Variants in SLC8A1 observed in about 807,000 individuals in gnomAD.
SLC8A1 encodes sodium/calcium exchanger 1.
SLC8A1 carries 18 observed loss-of-function variants against 68.3 expected under a neutral mutation model. That is an observed-to-expected ratio of 0.26 (90% confidence interval 0.18 to 0.39). SLC8A1 has a LOEUF of 0.39. SLC8A1 is among the 10% of genes least tolerant of loss of function. SLC8A1 has a pLI of 1.00. For synonymous variants in SLC8A1, 475 were observed against 415.5 expected, an observed-to-expected ratio of 1.14 and a Z score of -1.74; for missense variants, 985 against 1,156.7, an observed-to-expected ratio of 0.85 and a Z score of 2.15.
rs769443612 is a variant in SLC8A1 at position 40,170,265 on chromosome 2, A to G, written c.1930+4560T>C. ...TGGGAGGCTGTGGTTTTCAAGGATC[A>G]TGATGAAATGAGTACCTGCAATGGT... On this transcript the variant is annotated intron_variant, in intron 4 of 7. Coordinates refer to ENST00000406785, the Ensembl canonical transcript of SLC8A1. The G allele has an allele frequency of 1.3e-5, 21 of 1,611,362 alleles. No homozygotes were observed. Among genetic ancestry groups the G allele is most frequent in the Non-Finnish European group, 1.5e-5 (18 of 1,177,600 alleles).
chr2:40,171,341 G>T (rs1308189405), intron 4 of SLC8A1, among the ~76,000 whole-genome samples: 1 of 152,150 alleles, frequency 6.6e-6, no homozygotes, highest in Non-Finnish European at 1.5e-5. Context: ...TAGGATTAGA[G>T]GAGTAATATT....
chr2:40,143,766 T>G (rs1254705445), intron 6 of SLC8A1, among the ~76,000 whole-genome samples: 1 of 152,172 alleles, frequency 6.6e-6, no homozygotes, highest in African/African-American at 2.4e-5. Context: ...GGGCTTTGCA[T>G]ATATCTTTCT....
chr2:40,212,281 A>ACGTT (rs2056727012), intron 2 of SLC8A1, among the ~76,000 whole-genome samples: 1 of 118,212 alleles, frequency 8.5e-6, no homozygotes, highest in African/African-American at 3.1e-5. Context: ...GAGATGCAAT[A>ACGTT]TCTTTTTTTT....
rs572755792 is a variant in SLC8A1, at chr2:40,402,513, T to G, written c.1808+25960A>C. Among the ~76,000 whole-genome samples the G allele has an allele frequency of 1.1e-4, 16 of 152,346 alleles. 1 individual carries two copies. In the East Asian group the frequency reaches 1.7e-3, roughly 17 times the overall value. ...TTATGTATTTGCCCCGAATTCTTTC[T>G]TGCACAAGGTCCAAGAACCCTCTCT... On this transcript the variant is annotated intron_variant, in intron 2 of 7. Transcript: ENST00000406785.
At chr2:40,437,343 A>G (rs1315348437) in intron 1 of SLC8A1, among the ~76,000 whole-genome samples, 1 of 152,102 alleles carries the variant, frequency 6.6e-6, no homozygotes, top group Non-Finnish European at 1.5e-5. Flanking sequence ...GGAGCCTCAC[A>G]TGTTTCCACT....
chr2:40,439,687 T>C (rs905991387), intron 1 of SLC8A1, among the ~76,000 whole-genome samples: 2 of 152,200 alleles, frequency 1.3e-5, no homozygotes, highest in Admixed American at 1.3e-4. Flanking sequence ...CATCTTCAAG[T>C]AGATAGCATT....
At chr2:40,281,906 G>A (rs1402181628) in intron 2 of SLC8A1, among the ~76,000 whole-genome samples, 1 of 152,134 alleles carries the variant, frequency 6.6e-6, no homozygotes, top group Non-Finnish European at 1.5e-5. Context: ...TGAATTTTGG[G>A]TGGAATAAAG....
intron 2 of SLC8A1, among the ~76,000 whole-genome samples, chr2:40,331,568 T>G (rs1249341149): frequency 6.6e-6 from 1 of 151,972 alleles, no homozygotes; most frequent in African/African-American, 2.4e-5. Flanking sequence ...TTCATTAGGG[T>G]GGCTTTTTAT....
intron 3 of SLC8A1, among the ~76,000 whole-genome samples, chr2:40,175,492 G>T (rs13010488): frequency 0.011 from 1,616 of 141,658 alleles, 7 homozygotes; most frequent in African/African-American, 0.017. Flanking sequence ...GTGTGTGATT[G>T]AATACATACG....
At chr2:40,241,772 C>T (rs2061255096) in intron 2 of SLC8A1, among the ~76,000 whole-genome samples, 1 of 152,192 alleles carries the variant, frequency 6.6e-6, no homozygotes, top group Admixed American at 6.5e-5. Context: ...AGTGACCTGT[C>T]ACTTGTCATA....
chr2:40,323,418 A>G (rs2075443969), intron 2 of SLC8A1, among the ~76,000 whole-genome samples: 1 of 152,210 alleles, frequency 6.6e-6, no homozygotes, highest in Admixed American at 6.5e-5. Context: ...TGGTTTTTAA[A>G]AAAGGTCAAT....
At chr2:40,509,266 A>T (rs1217216282) in intron 1 of SLC8A1, among the ~76,000 whole-genome samples, 1 of 152,014 alleles carries the variant, frequency 6.6e-6, no homozygotes. Flanking sequence ...CCTTCCAATG[A>T]TTGAAGGTGG....
chr2:40,157,577 T>C (rs1009715179), intron 6 of SLC8A1, among the ~76,000 whole-genome samples: 9 of 152,192 alleles, frequency 5.9e-5, no homozygotes, highest in Non-Finnish European at 2.9e-5. Flanking sequence ...TTTCCCTTGA[T>C]ACCTCAGCTG....
Position 40,149,338 on chromosome 2 carries a change from CA to C in SLC8A1, c.2162-9663del, listed in dbSNP as rs1458622579. Among the ~76,000 whole-genome samples, 3 of 152,096 alleles carry C rather than the reference CA, an allele frequency of 2.0e-5. No homozygotes were observed. In the East Asian group the frequency reaches 5.8e-4, roughly 29 times the overall value. The stretch of plus-strand genomic sequence containing the variant: ...TGATCTCATAGAATTTCCATTCTGG[CA>C]AGGGGAGATAGTAATCAAAGTAAAC... On this transcript the variant is annotated intron_variant, in intron 6 of 7. Coordinates refer to ENST00000406785, the Ensembl canonical transcript of SLC8A1.
At chr2:40,170,652 T>C (rs1303529549) in intron 4 of SLC8A1, among the ~76,000 whole-genome samples, 2 of 152,172 alleles carry the variant, frequency 1.3e-5, no homozygotes, top group African/African-American at 4.8e-5. Context: ...GTATCTTAAA[T>C]GATGTGTCAA....
intron 2 of SLC8A1, among the ~76,000 whole-genome samples, chr2:40,317,123 T>C (rs1244850896): frequency 6.6e-6 from 1 of 152,028 alleles, no homozygotes; most frequent in Non-Finnish European, 1.5e-5. Context: ...CATAATATGT[T>C]ACTGAATAGT....
At chr2:40,275,338 A>G (rs984536708) in intron 2 of SLC8A1, among the ~76,000 whole-genome samples, 1 of 152,258 alleles carries the variant, frequency 6.6e-6, no homozygotes, top group Admixed American at 6.5e-5. Context: ...TTCTTAACTT[A>G]TCCTTAACTT....
intron 2 of SLC8A1, among the ~76,000 whole-genome samples, chr2:40,415,863 C>T (rs1217586876): frequency 8.8e-5 from 3 of 34,130 alleles, no homozygotes; most frequent in South Asian, 3.7e-3. Context: ...AAAGTATACA[C>T]ACACACACAC....
At chr2:40,236,827 C>G (rs955861705) in intron 2 of SLC8A1, among the ~76,000 whole-genome samples, 1 of 150,406 alleles carries the variant, frequency 6.6e-6, no homozygotes, top group Non-Finnish European at 1.5e-5. Flanking sequence ...ATTTGCTTGT[C>G]TGTAAAGTAT....
Sources: allele counts gnomAD v4.1 joint callset (sites outside exome capture counted in the v4.1 genomes callset), GRCh38; gene constraint gnomAD v4.1.1; transcripts MANE v1.5; gene names NCBI Gene and HGNC (gene_info 2026-07-23, HGNC 2026-07-21).